The following ELP4 variants were observed in gnomAD, a reference collection of about 807,000 sequenced individuals.
The protein encoded by ELP4 is elongator complex protein 4.
ELP4 carries 51 observed loss-of-function variants against 48.9 expected under a neutral mutation model. The ratio of observed to expected loss-of-function variants is 1.04; its 90% CI spans 0.83 to 1.32. ELP4 has a LOEUF of 1.32. Ranked by LOEUF, ELP4 falls within the 40% of genes most tolerant of loss-of-function variation. ELP4 has a pLI of 0.00. For missense variants in ELP4, 519 were observed against 514.6 expected (o/e 1.01, Z -0.08); for synonymous variants, 210 against 189.2 (o/e 1.11, Z -0.90).
chr11:31,714,632 C>T (rs977397086), intron 9 of ELP4: 16 of 398,356 alleles, frequency 4.0e-5, no homozygotes, highest in African/African-American at 2.9e-4. Flanking sequence ...TTCTGGCAGG[C>T]AGAGGTCCAA....
rs1345596821 is a variant in ELP4 at position 31,785,015 on chromosome 11, T to TCTGTG, written c.*1491_*1492insCTGTG. ...GGTTTATTTTTTTCATTTCTTTTAATTCTAAAGACACAGATTCTTCCCCAT... is the reference window on the plus strand; with the variant it reads ...GGTTTATTTTTTTCATTTCTTTTAATCTGTGTCTAAAGACACAGATTCTTCCCCAT... On this transcript the variant is annotated 3_prime_UTR_variant, in exon 10 of 10. Transcript: ENST00000640961. 35 of 180,978 alleles carry TCTGTG rather than the reference T, an allele frequency of 1.9e-4. No homozygotes were observed. The highest frequency in any genetic ancestry group is 2.2e-3 in the Middle Eastern group (1 of 464). 11.2% of individuals were successfully genotyped at this position (180,978 alleles called of 1,614,324 possible). A position where few individuals can be genotyped will look rare whatever the true frequency, so the allele number is the denominator to read the frequency against.
intron 9 of ELP4, among the ~76,000 whole-genome samples, chr11:31,742,289 C>T (rs1366189577): frequency 7.2e-5 from 11 of 152,164 alleles, no homozygotes; most frequent in East Asian, 1.9e-4. Context: ...CTGAAAGTGA[C>T]GGTGAGAATG....
At chr11:31,598,811 C>G (rs1052378972) in intron 4 of ELP4, 1 of 152,032 alleles carries the variant, frequency 6.6e-6, no homozygotes, top group African/African-American at 2.4e-5. Context: ...GAACCCGGCC[C>G]TGGTGCTCAG....
intron 1 of ELP4, among the ~76,000 whole-genome samples, chr11:31,519,591 A>G (rs550650875): frequency 1.3e-5 from 2 of 152,166 alleles, no homozygotes; most frequent in Non-Finnish European, 2.9e-5. Context: ...TTGGGAGCCC[A>G]AGGCAGGTGG....
chr11:31,612,527 T>G (rs1958001445), intron 5 of ELP4, among the ~76,000 whole-genome samples: 1 of 152,104 alleles, frequency 6.6e-6, no homozygotes, highest in Non-Finnish European at 1.5e-5. Context: ...CAAAGAAGTT[T>G]AAACGATTAA....
intron 9 of ELP4, among the ~76,000 whole-genome samples, chr11:31,764,809 C>G (rs1299028046): frequency 5.9e-5 from 9 of 152,170 alleles, no homozygotes; most frequent in African/African-American, 2.2e-4. Flanking sequence ...TACTAAAACT[C>G]CCCACAGGTG....
chr11:31,541,198 A>G (rs1049166467), intron 3 of ELP4, among the ~76,000 whole-genome samples: 6 of 152,212 alleles, frequency 3.9e-5, no homozygotes, highest in Non-Finnish European at 8.8e-5. Context: ...AAAAGTCACT[A>G]TAATGCTGAG....
chr11:31,658,121 T>C (rs1248800424), intron 9 of ELP4, among the ~76,000 whole-genome samples: 7 of 151,964 alleles, frequency 4.6e-5, no homozygotes, highest in Non-Finnish European at 1.0e-4. Flanking sequence ...TGCCATGCCC[T>C]AAGCTGTACT....
intron 9 of ELP4, among the ~76,000 whole-genome samples, chr11:31,736,062 C>G (rs1425073053): frequency 6.6e-6 from 1 of 152,182 alleles, no homozygotes; most frequent in African/African-American, 2.4e-5. Context: ...ATCATGCTAC[C>G]TGACTTCAAA....
At chr11:31,759,299 C>T (rs937318766) in intron 9 of ELP4, among the ~76,000 whole-genome samples, 2 of 152,066 alleles carry the variant, frequency 1.3e-5, no homozygotes, top group Admixed American at 1.3e-4. Flanking sequence ...GAGTTTTTTC[C>T]TTTGTCCTTA....
rs539912645 is a variant in ELP4 at position 31,545,653 on chromosome 11, G to A, written c.381+5870G>A. On this transcript the variant is annotated intron_variant, in intron 3 of 9. Coordinates refer to ENST00000640961, the MANE Select transcript of ELP4 (RefSeq NM_019040.5). Reference sequence around the variant, plus strand: ...AGAGAATGCCACAAAGATACTCCTCGAGAGGAGCAACTGCAAGACACGTAA... The same window carrying A: ...AGAGAATGCCACAAAGATACTCCTCAAGAGGAGCAACTGCAAGACACGTAA... 2.3e-4 allele frequency among the ~76,000 whole-genome samples: 35 copies of A among 152,158 alleles called. No individual in the cohort carries two copies. In the South Asian group the frequency reaches 7.3e-3, roughly 32 times the overall value.
intron 4 of ELP4, among the ~76,000 whole-genome samples, chr11:31,597,725 C>G (rs967956743): frequency 5.3e-5 from 8 of 151,768 alleles, no homozygotes; most frequent in African/African-American, 1.9e-4. Flanking sequence ...TTGCCCACCA[C>G]CACGCCAGGC....
intron 9 of ELP4, among the ~76,000 whole-genome samples, chr11:31,685,700 G>GT (rs1238358069): frequency 2.6e-5 from 4 of 152,088 alleles, no homozygotes; most frequent in Admixed American, 6.5e-5. Context: ...TGGGAGGCCA[G>GT]GCGCGCAGAT....
chr11:31,785,458 C>A lies in ELP4; in HGVS notation c.*1934C>A. On this transcript the variant is annotated 3_prime_UTR_variant, in exon 10 of 10. Transcript: ENST00000640961. The stretch of plus-strand genomic sequence containing the variant: ...TGTCTATAAAATTAACAGCCAATTA[C>A]TAGTTAATATATGCTTTGCAAATAG... The A allele has an allele frequency of 5.3e-6, 1 of 186,988 alleles. No homozygotes were observed. 11.6% of individuals were successfully genotyped at this position (186,988 alleles called of 1,614,324 possible).
chr11:31,626,972 A>G, intron 5 of ELP4, 138 bp from the exon 6 acceptor site: 2 of 542,162 alleles, frequency 3.7e-6, no homozygotes, highest in Non-Finnish European at 6.7e-6. Flanking sequence ...TTTTAGGATT[A>G]TATAATACTG....
intron 3 of ELP4, among the ~76,000 whole-genome samples, chr11:31,579,320 C>G (rs1957344781): frequency 6.6e-6 from 1 of 152,168 alleles, no homozygotes; most frequent in Non-Finnish European, 1.5e-5. Flanking sequence ...CACAGGAACA[C>G]TTTTATACTG....
rs1948981631 is a variant in ELP4, at chr11:31,789,020, CTT to C, written c.*5497_*5498del. On this transcript the variant is annotated 3_prime_UTR_variant, in exon 10 of 10. Coordinates refer to ENST00000640961, the MANE Select transcript of ELP4 (RefSeq NM_019040.5). Reference sequence around the variant, plus strand: ...TGTAGTTGTGAACAACTTCAAAACACTTAAGTTTAAAACTCTTGCAAGCACTT... The same window carrying C: ...TGTAGTTGTGAACAACTTCAAAACACAAGTTTAAAACTCTTGCAAGCACTT... 5.0e-6 allele frequency: 1 copy of C among 200,390 alleles called. No homozygotes were observed. Among genetic ancestry groups the C allele is most frequent in the Non-Finnish European group, 1.0e-5 (1 of 96,916 alleles). The allele number at this position is 200,390 out of a possible 1,614,324, so 12.4% of individuals were successfully genotyped here. A position where few individuals can be genotyped will look rare whatever the true frequency, so the allele number is the denominator to read the frequency against.
chr11:31,585,900 C>T (rs1957464157), intron 3 of ELP4, among the ~76,000 whole-genome samples: 1 of 152,020 alleles, frequency 6.6e-6, no homozygotes, highest in Admixed American at 6.5e-5. Flanking sequence ...GCCTGGGCAA[C>T]ATAGCAACAC....
intron 9 of ELP4, among the ~76,000 whole-genome samples, chr11:31,758,884 T>G (rs1202842290): frequency 1.3e-5 from 2 of 152,056 alleles, no homozygotes; most frequent in Non-Finnish European, 1.5e-5. Context: ...CCCAAGCTGG[T>G]CTCGAAATCC....
Sources: gnomAD v4.1 joint callset for allele counts (sites outside exome capture counted in the v4.1 genomes callset) on GRCh38, gnomAD v4.1.1 for gene constraint, MANE v1.5 for transcripts, NCBI Gene and HGNC (gene_info 2026-07-23, HGNC 2026-07-21) for gene names.